SLC22A23: variants seen among roughly 807,000 people sequenced by gnomAD.
The protein encoded by SLC22A23 is solute carrier family 22 member 23.
In SLC22A23, 26 loss-of-function variants were observed where a neutral mutation model predicts 61.0. The ratio of observed to expected loss-of-function variants is 0.43; its 90% CI spans 0.31 to 0.59. The LOEUF (loss-of-function observed/expected upper bound fraction) is 0.59, where lower values mean the gene tolerates loss of function less well. Ranked by LOEUF, SLC22A23 falls within the 20% of genes least tolerant of loss-of-function variation. The pLI, the probability that SLC22A23 is intolerant of heterozygous loss-of-function variation, is 0.11. For synonymous variants in SLC22A23, 430 were observed against 413.9 expected (o/e 1.04, Z -0.47); for missense variants, 796 against 934.7 (o/e 0.85, Z 1.94).
Position 3,348,695 on chromosome 6 carries a change from T to C in SLC22A23, c.914-24693A>G, listed in dbSNP as rs541794006. Reference sequence around the variant, plus strand: ...CACCTGAGGCCAGATACTTCACCCCTAGCGGCTGCTCATTCAACCCAAGAT... The same window carrying C: ...CACCTGAGGCCAGATACTTCACCCCCAGCGGCTGCTCATTCAACCCAAGAT... On this transcript the variant is annotated intron_variant, in intron 3 of 9. Transcript: ENST00000406686. Among the ~76,000 whole-genome samples, 10 of 152,284 alleles carry C rather than the reference T, an allele frequency of 6.6e-5. No homozygotes were observed. In the East Asian group the frequency reaches 1.9e-3, roughly 29 times the overall value.
intron 1 of SLC22A23, among the ~76,000 whole-genome samples, chr6:3,431,212 T>C (rs1046906056): frequency 6.6e-6 from 1 of 152,046 alleles, no homozygotes; most frequent in South Asian, 2.1e-4. Flanking sequence ...TGGGGGCAGG[T>C]CCTGTGAGGA....
chr6:3,415,210 C>G (rs1034964302), intron 2 of SLC22A23, among the ~76,000 whole-genome samples: 1 of 152,200 alleles, frequency 6.6e-6, no homozygotes, highest in Non-Finnish European at 1.5e-5. Flanking sequence ...CAGCGCCCAT[C>G]TGTATTACCG....
At chr6:3,388,277 G>A (rs767059711) in intron 3 of SLC22A23, among the ~76,000 whole-genome samples, 3 of 152,170 alleles carry the variant, frequency 2.0e-5, no homozygotes, top group Non-Finnish European at 4.4e-5. Context: ...ATGGGGGAGG[G>A]CAGAAATGCA....
rs1454460156 is a variant in SLC22A23 at position 3,329,535 on chromosome 6, C to T, written c.914-5533G>A. Among the ~76,000 whole-genome samples, 1 of 152,164 alleles carries T rather than the reference C, an allele frequency of 6.6e-6. No homozygotes were observed. The highest frequency in any genetic ancestry group is 2.4e-5 in the African/African-American group (1 of 41,428). ...AATTGTGCCCGCGGAACAAAGCGTGCCATGCAGGGTATGGGATGAGGCGCC... is the reference window on the plus strand; with the variant it reads ...AATTGTGCCCGCGGAACAAAGCGTGTCATGCAGGGTATGGGATGAGGCGCC... On this transcript the variant is annotated intron_variant, in intron 3 of 9. Transcript: ENST00000406686. The surrounding 1 kb of genome is among the most constrained non-coding windows in gnomAD (Gnocchi z 4.8).
At chr6:3,401,226 C>A (rs1157243227) in intron 3 of SLC22A23, among the ~76,000 whole-genome samples, 1 of 152,116 alleles carries the variant, frequency 6.6e-6, no homozygotes, top group Non-Finnish European at 1.5e-5. Context: ...TAGTCCCAGT[C>A]ACTTGGGAGG....
At chr6:3,298,409 T>C (rs1761301474) in intron 4 of SLC22A23, among the ~76,000 whole-genome samples, 191 bp from the exon 5 acceptor site, 1 of 151,500 alleles carries the variant, frequency 6.6e-6, no homozygotes, top group South Asian at 2.1e-4. Context: ...AGAGTAAAAA[T>C]CAAGACCTTA....
At chr6:3,352,885 C>A (rs112896356) in intron 3 of SLC22A23, among the ~76,000 whole-genome samples, 1 of 152,092 alleles carries the variant, frequency 6.6e-6, no homozygotes, top group African/African-American at 2.4e-5. Flanking sequence ...TGCAAACACC[C>A]GGGAGAAGAT....
chr6:3,415,318 G>A (rs1769612316), intron 2 of SLC22A23, among the ~76,000 whole-genome samples: 1 of 152,152 alleles, frequency 6.6e-6, no homozygotes, highest in Non-Finnish European at 1.5e-5. Context: ...GTGACATGTA[G>A]AGGAGCTAAT....
intron 1 of SLC22A23, among the ~76,000 whole-genome samples, chr6:3,441,991 C>A (rs6596969): frequency 6.6e-6 from 1 of 152,122 alleles, no homozygotes; most frequent in African/African-American, 2.4e-5. Context: ...AGTTCCCAGC[C>A]GCACATGCAC....
At position 3,414,727 on chromosome 6, in the gene SLC22A23, A is replaced by C. The variant is rs1769553026; in HGVS notation, c.758+1025T>G. Among the ~76,000 whole-genome samples the C allele has an allele frequency of 6.6e-6, 1 of 151,414 alleles. No homozygotes were observed. On this transcript the variant is annotated intron_variant, in intron 2 of 9. Coordinates refer to ENST00000406686, the MANE Select transcript of SLC22A23 (RefSeq NM_015482.2). This position sits in a 1 kb window ranked among gnomAD's most constrained non-coding sequence, Gnocchi z 5.1. Reference sequence around the variant, plus strand: ...CCAAGATGTCTCGATTCACCAAAAAAAAAAAAAAAAAAAAAAATCCTTTAA... The same window carrying C: ...CCAAGATGTCTCGATTCACCAAAAACAAAAAAAAAAAAAAAAATCCTTTAA...
intron 1 of SLC22A23, among the ~76,000 whole-genome samples, chr6:3,419,757 T>G (rs968966459): frequency 6.6e-6 from 1 of 152,216 alleles, no homozygotes; most frequent in Non-Finnish European, 1.5e-5. Context: ...AGCAACTCAG[T>G]AAGCACTATT....
intron 1 of SLC22A23, chr6:3,432,106 G>T: frequency 1.5e-6 from 1 of 667,300 alleles, no homozygotes; most frequent in Non-Finnish European, 1.9e-6. Flanking sequence ...TGGAAATTAG[G>T]TTCCAGGGGG....
At chr6:3,429,595 A>T (rs1320123695) in intron 1 of SLC22A23, among the ~76,000 whole-genome samples, 1 of 152,242 alleles carries the variant, frequency 6.6e-6, no homozygotes, top group African/African-American at 2.4e-5. Flanking sequence ...ATACAAAGAT[A>T]TGTACACCCA....
At chr6:3,426,953 G>A (rs1770534302) in intron 1 of SLC22A23, among the ~76,000 whole-genome samples, 1 of 152,238 alleles carries the variant, frequency 6.6e-6, no homozygotes, top group Admixed American at 6.5e-5. Flanking sequence ...CTGTCTCTGA[G>A]GAAGGGCATC....
chr6:3,319,732 A>C (rs192405975), intron 4 of SLC22A23, among the ~76,000 whole-genome samples: 4 of 152,162 alleles, frequency 2.6e-5, no homozygotes, highest in Admixed American at 2.6e-4. Context: ...TTTGCCTGTG[A>C]GCTCATCTTT....
intron 3 of SLC22A23, among the ~76,000 whole-genome samples, chr6:3,325,406 A>G (rs1763220854): frequency 6.6e-6 from 1 of 152,260 alleles, no homozygotes; most frequent in South Asian, 2.1e-4. Flanking sequence ...GAAAAAAATA[A>G]TAATGCCATC....
chr6:3,414,391 C>T lies in SLC22A23; in HGVS notation c.758+1361G>A, dbSNP rs1258478479. 1.3e-5 allele frequency among the ~76,000 whole-genome samples: 2 copies of T among 152,054 alleles called. No individual in the cohort carries two copies. Among genetic ancestry groups the T allele is most frequent in the Non-Finnish European group, 1.5e-5 (1 of 68,016 alleles). On this transcript the variant is annotated intron_variant, in intron 2 of 9. Transcript: ENST00000406686. This position sits in a 1 kb window ranked among gnomAD's most constrained non-coding sequence, Gnocchi z 5.1. ...ACCAAAGAAAGCCCCCAAGAGGTCCCCTGCGTAGGTCTCCAGAGGTCACTG... is the reference window on the plus strand; with the variant it reads ...ACCAAAGAAAGCCCCCAAGAGGTCCTCTGCGTAGGTCTCCAGAGGTCACTG...
chr6:3,439,780 A>AG (rs1407153431), intron 1 of SLC22A23, among the ~76,000 whole-genome samples: 4 of 152,144 alleles, frequency 2.6e-5, no homozygotes, highest in Non-Finnish European at 4.4e-5. Context: ...CCAGGACAGC[A>AG]GGGGTGGGAA....
At chr6:3,284,841 G>A in intron 8 of SLC22A23, 2 of 1,424,314 alleles carry the variant, frequency 1.4e-6, no homozygotes, top group South Asian at 1.2e-5. Context: ...AAGGGGCGGG[G>A]GCATGCGTGC....
Sources: allele counts gnomAD v4.1 joint callset (sites outside exome capture counted in the v4.1 genomes callset), GRCh38; gene constraint gnomAD v4.1.1; non-coding constraint Gnocchi (gnomAD v3.1); transcripts MANE v1.5; gene names NCBI Gene and HGNC (gene_info 2026-07-23, HGNC 2026-07-21).